TULP2: variants seen among roughly 807,000 people sequenced by gnomAD.
The protein encoded by TULP2 is TUB like protein 2.
Under a neutral mutation model 60.3 loss-of-function variants are expected in TULP2, and 64 were observed. The observed-to-expected ratio is 1.06, with a 90% CI of 0.87 to 1.31. TULP2 has a LOEUF of 1.31. TULP2 is among the 50% of genes most tolerant of loss of function. The pLI, the probability that TULP2 is intolerant of heterozygous loss-of-function variation, is 0.00. For missense variants in TULP2, 652 were observed against 667.0 expected, an observed-to-expected ratio of 0.98 and a Z score of 0.25; for synonymous variants, 267 against 265.4, an observed-to-expected ratio of 1.01 and a Z score of -0.06.
intron 6 of TULP2, among the ~76,000 whole-genome samples, chr19:48,891,989 C>T (rs1489275231): frequency 6.6e-6 from 1 of 152,216 alleles, no homozygotes; most frequent in African/African-American, 2.4e-5. Flanking sequence ...AGCAGTATTG[C>T]CGCCATGATG....
rs1436744910 is a variant in TULP2 at position 48,885,528 on chromosome 19, CCTT to C, written c.978_980del (p.Arg327del). On this transcript the variant is annotated inframe_deletion, in exon 9 of 13. Transcript: ENST00000221399. Reference sequence around the variant, plus strand: ...AGATGAGGTAATTAGAAGTTTTGCTCCTTCTTCTCTTTCGCCCAGCCAGGAGGA... The same window carrying C: ...AGATGAGGTAATTAGAAGTTTTGCTCCTTCTCTTTCGCCCAGCCAGGAGGA... 6.2e-6 allele frequency: 10 copies of C among 1,613,838 alleles called. No individual in the cohort carries two copies. The highest frequency in any genetic ancestry group is 2.2e-5 in the East Asian group (1 of 44,882).
intron 8 of TULP2, 101 bp from the exon 9 acceptor site, chr19:48,885,661 A>T (rs527547729): frequency 2.8e-5 from 28 of 1,011,008 alleles, no homozygotes; most frequent in African/African-American, 4.8e-5. Context: ...CGGCGGGCAG[A>T]TCACTTGAGG....
intron 4 of TULP2, 103 bp downstream of exon 4, chr19:48,896,327 A>G (rs2037280793): frequency 7.0e-7 from 1 of 1,427,386 alleles, no homozygotes; most frequent in African/African-American, 1.5e-5. Flanking sequence ...TCCACTGCCA[A>G]GTCCCCACCC....
chr19:48,883,591 T>C (rs1347331483), intron 11 of TULP2, among the ~76,000 whole-genome samples, 163 bp downstream of exon 11: 2 of 152,148 alleles, frequency 1.3e-5, no homozygotes. Flanking sequence ...AGTCTTTTAC[T>C]CCCTGAGACA....
intron 11 of TULP2, 114 bp downstream of exon 11, chr19:48,883,640 C>A: frequency 8.7e-7 from 1 of 1,152,128 alleles, no homozygotes; most frequent in Admixed American, 2.2e-5. Context: ...CATGTGACAC[C>A]TGCAACCCAC....
chr19:48,892,335 T>C (rs2037240561), intron 6 of TULP2, among the ~76,000 whole-genome samples: 1 of 152,170 alleles, frequency 6.6e-6, no homozygotes, highest in Admixed American at 6.6e-5. Context: ...GAATGGAGAA[T>C]GGCAATGACT....
Position 48,889,516 on chromosome 19 carries a change from G to A in TULP2, c.630C>T (p.Phe210=). 6.4e-7 allele frequency: 1 copy of A among 1,568,044 alleles called. No individual in the cohort carries two copies. The highest frequency in any genetic ancestry group is 8.7e-7 in the Non-Finnish European group (1 of 1,145,270). The change falls in exon 7 of 13, where the codon TTC becomes TTT. Residue 210 remains phenylalanine (F), a synonymous_variant. Coordinates refer to ENST00000221399, the MANE Select transcript of TULP2 (RefSeq NM_003323.3). The part of the protein sequence containing the change: ...DGDCVYENLA[F]QKEEDLEKKR... ...TGATTGTGCATTTTCCTACCTTTTG[G>A]AAGGCCAAGTTTTCATATACACAGT...
intron 12 of TULP2, 21 bp downstream of exon 12, chr19:48,882,011 A>C (rs1281664561): frequency 6.2e-7 from 1 of 1,614,054 alleles, no homozygotes; most frequent in African/African-American, 1.3e-5. Flanking sequence ...GGCCCGGCTA[A>C]ACTGGTTTCC....
intron 8 of TULP2, among the ~76,000 whole-genome samples, chr19:48,885,975 T>C (rs910929813): frequency 6.6e-6 from 1 of 151,948 alleles, no homozygotes; most frequent in African/African-American, 2.4e-5. Context: ...TCATGTCCCA[T>C]GATAGAGGAG....
intron 6 of TULP2, among the ~76,000 whole-genome samples, chr19:48,890,420 A>G (rs2037222164): frequency 6.6e-6 from 1 of 151,930 alleles, no homozygotes; most frequent in Non-Finnish European, 1.5e-5. Flanking sequence ...AAACACCCAC[A>G]AATGATCAAT....
intron 4 of TULP2, 125 bp downstream of exon 4, chr19:48,896,305 G>C: frequency 7.4e-7 from 1 of 1,355,622 alleles, no homozygotes; most frequent in South Asian, 1.5e-5. Flanking sequence ...CCTGGGCCAA[G>C]GCCCGCCCCC....
rs773565693 is a variant in TULP2 at position 48,895,501 on chromosome 19, G to T, written c.214C>A (p.Leu72Ile). ...REERLLGDRG[L>I]GNPFLRKKVS... is the part of the protein sequence containing the mutation. The stretch of plus-strand genomic sequence containing the variant: ...TTCTTCCGGAGGAAAGGGTTCCCAA[G>T]GCCTGGGAGAAGGTTCAGCGAGCCC... The change falls in exon 5 of 13, where the codon CTT becomes ATT. Residue 72 changes from leucine to isoleucine, a missense_variant and splice_region_variant. Transcript: ENST00000221399. 1.9e-6 allele frequency: 3 copies of T among 1,604,086 alleles called. No homozygotes were observed. Among genetic ancestry groups the T allele is most frequent in the Non-Finnish European group, 2.6e-6 (3 of 1,172,690 alleles).
intron 11 of TULP2, 105 bp downstream of exon 11, chr19:48,883,649 A>C: frequency 7.8e-7 from 1 of 1,277,772 alleles, no homozygotes; most frequent in African/African-American, 1.5e-5. Context: ...CCTGCAACCC[A>C]CTGGCCTCCT....
rs1250376542 is a variant in TULP2 at position 48,882,165 on chromosome 19, G to C, written c.1314C>G (p.Asp438Glu). ...TGTGCAACAAAAGCAACCCTTGTTT[G>C]TCCCCACGTTGGTAACGACTCAGTA... ...ESLLSRYQRG[D>E]KQGLLLLHNK... The change falls in exon 12 of 13, where the codon GAC becomes GAG. Residue 438 changes from aspartate (D) to glutamate (E), a missense_variant. Transcript: ENST00000221399. 2 of 1,614,214 alleles carry C rather than the reference G, an allele frequency of 1.2e-6. No homozygotes were observed. The highest frequency in any genetic ancestry group is 1.7e-5 in the Admixed American group (1 of 60,010).
intron 6 of TULP2, among the ~76,000 whole-genome samples, chr19:48,894,757 A>G (rs1204830472): frequency 6.7e-6 from 1 of 149,198 alleles, no homozygotes; most frequent in African/African-American, 2.4e-5. Flanking sequence ...CAAATTTTAC[A>G]CCATTTTATA....
Position 48,895,134 on chromosome 19 carries a change from A to T in TULP2, c.378T>A (p.Pro126=). The T allele has an allele frequency of 6.2e-7, 1 of 1,613,758 alleles. No homozygotes were observed. Among genetic ancestry groups the T allele is most frequent in the Non-Finnish European group, 8.5e-7 (1 of 1,179,908 alleles). Residue 126 remains proline (P), a synonymous_variant, in exon 6 of 13, where the codon CCT becomes CCA. Coordinates refer to ENST00000221399, the MANE Select transcript of TULP2 (RefSeq NM_003323.3). ...AATTGTCTGGGAGCCAGGATAAGAA[A>T]GGGGACTGGAGACCGAGATTCCTGA... The part of the protein sequence containing the change: ...AVFRNLGLQS[P]FLSWLPDNSD...
At chr19:48,891,172 A>C (rs2037229111) in intron 6 of TULP2, among the ~76,000 whole-genome samples, 1 of 150,182 alleles carries the variant, frequency 6.7e-6, no homozygotes, top group African/African-American at 2.5e-5. Context: ...AAAAAAAAAA[A>C]AATTAGCCGG....
chr19:48,883,136 G>T (rs960182105), intron 11 of TULP2, among the ~76,000 whole-genome samples: 4 of 151,766 alleles, frequency 2.6e-5, no homozygotes, highest in Non-Finnish European at 5.9e-5. Context: ...GGAGAATGGC[G>T]TGAGCCGGGG....
Position 48,892,191 on chromosome 19 carries a change from C to T in TULP2, c.515-2560G>A, listed in dbSNP as rs577029460. ...CCTTTACGGGTGTCGGGCTGGGGGA[C>T]CGTCAGGTCTTTCCCTTCCCACGAG... On this transcript the variant is annotated intron_variant, in intron 6 of 12. Coordinates refer to ENST00000221399, the MANE Select transcript of TULP2 (RefSeq NM_003323.3). Among the ~76,000 whole-genome samples, 33 of 152,328 alleles carry T rather than the reference C, an allele frequency of 2.2e-4. 1 individual carries two copies. The South Asian group carries it at 6.6e-3, about 31-fold the overall frequency.
Sources: gnomAD v4.1 joint callset for allele counts (sites outside exome capture counted in the v4.1 genomes callset) on GRCh38, gnomAD v4.1.1 for gene constraint, MANE v1.5 for transcripts, NCBI Gene and HGNC (gene_info 2026-07-23, HGNC 2026-07-21) for gene names.